IGF2: variants seen among roughly 807,000 people sequenced by gnomAD.
IGF2 encodes the protein insulin-like growth factor 2.
IGF2 carries 2 observed loss-of-function variants against 12.0 expected under a neutral mutation model. The observed-to-expected ratio is 0.17, with a 90% CI of 0.07 to 0.52. The LOEUF is 0.52. Ranked by LOEUF, IGF2 falls within the 20% of genes least tolerant of loss-of-function variation. The pLI, the probability that IGF2 is intolerant of heterozygous loss-of-function variation, is 0.95. For synonymous variants in IGF2, 105 were observed against 110.1 expected, an observed-to-expected ratio of 0.95 and a Z score of 0.29; for missense variants, 211 against 268.0, an observed-to-expected ratio of 0.79 and a Z score of 1.48.
the IGF2 span, chr11:2,149,423 G>A: frequency 1.2e-5 from 15 of 1,225,138 alleles, no homozygotes; most frequent in Non-Finnish European, 1.4e-5. Context: ...TCTCCGCTGA[G>A]CATGGCACCT....
the IGF2 span, chr11:2,149,403 G>T: frequency 6.9e-7 from 1 of 1,450,694 alleles, no homozygotes; most frequent in Non-Finnish European, 9.5e-7. Context: ...CTACAGATGG[G>T]AGAGCCTCAT....
chr11:2,148,544 A>G, the IGF2 span: 96,757 of 153,680 alleles, frequency 0.63, 30,765 homozygotes, highest in East Asian at 0.81. The surrounding 1 kb of genome is among the most constrained non-coding windows in gnomAD (Gnocchi z 4.3). Context: ...CTCTCCCGGC[A>G]TTTCTCCTCA....
At position 2,131,540 on chromosome 11, in the gene IGF2, CTG is replaced by C. The variant is rs200018341; in HGVS notation, c.*1445_*1446del. On this transcript the variant is annotated 3_prime_UTR_variant, in exon 4 of 4. Transcript: ENST00000416167. ...TATGTGCTGCGCATGAGTGTGTGTGCTGTGTGTGCATGTGTGTGCTGTGTGTT... is the reference window on the plus strand; with the variant it reads ...TATGTGCTGCGCATGAGTGTGTGTGCTGTGTGCATGTGTGTGCTGTGTGTT... The C allele has an allele frequency of 1.9e-5, 4 of 215,238 alleles. No homozygotes were observed. Among genetic ancestry groups the C allele is most frequent in the Admixed American group, 6.1e-5 (1 of 16,490 alleles). The allele number at this position is 215,238 out of a possible 1,614,324, so 13.3% of individuals were successfully genotyped here.
At chr11:2,140,367 C>T, upstream of IGF2, 1 of 1,401,492 alleles carries the variant, frequency 7.1e-7, no homozygotes, top group Non-Finnish European at 9.7e-7. Context: ...GCACAAAATC[C>T]CGCACCCCGC....
chr11:2,132,723 T>G lies in IGF2; in HGVS notation c.*264A>C. On this transcript the variant is annotated 3_prime_UTR_variant, in exon 4 of 4. Transcript: ENST00000416167. The stretch of plus-strand genomic sequence containing the variant: ...TATGTGTGGGGATAATTGGGGATAA[T>G]TTGGGGGGAGGGTATGTGAAGGGTG... The G allele has an allele frequency of 3.1e-6, 1 of 319,670 alleles. No individual in the cohort carries two copies. Among genetic ancestry groups the G allele is most frequent in the Non-Finnish European group, 5.6e-6 (1 of 177,116 alleles). The allele number at this position is 319,670 out of a possible 1,614,324, so 19.8% of individuals were successfully genotyped here. A position where few individuals can be genotyped will look rare whatever the true frequency, so the allele number is the denominator to read the frequency against.
chr11:2,132,746 G>A lies in IGF2; in HGVS notation c.*241C>T, dbSNP rs1858697932. ...AATTTGGGGGGAGGGTATGTGAAGG[G>A]TGTTTAAAGCCAATCGATTTTGTAC... On this transcript the variant is annotated 3_prime_UTR_variant, in exon 4 of 4. Transcript: ENST00000416167. 4.5e-6 allele frequency: 2 copies of A among 445,706 alleles called. No homozygotes were observed. Among genetic ancestry groups the A allele is most frequent in the Admixed American group, 3.5e-5 (1 of 28,328 alleles). The allele number at this position is 445,706 out of a possible 1,614,324, so 27.6% of individuals were successfully genotyped here. A position where few individuals can be genotyped will look rare whatever the true frequency, so the allele number is the denominator to read the frequency against.
chr11:2,146,033 G>A (rs1480603445), upstream of IGF2, among the ~76,000 whole-genome samples: 4 of 151,906 alleles, frequency 2.6e-5, no homozygotes, highest in African/African-American at 7.3e-5. Flanking sequence ...AGCAGCGTCC[G>A]CCCCCCAGCC....
upstream of IGF2, among the ~76,000 whole-genome samples, chr11:2,145,185 C>T (rs1249352104): frequency 2.0e-5 from 3 of 152,228 alleles, no homozygotes; most frequent in East Asian, 3.8e-4. Flanking sequence ...GCAGCCTCCC[C>T]GTGTCCCCAG....
At position 2,139,024 on chromosome 11, in the gene IGF2, C is replaced by T. The variant is rs1185085733; in HGVS notation, c.-802G>A. On this transcript the variant is annotated 5_prime_UTR_variant, in exon 1 of 4. Coordinates refer to ENST00000416167, the MANE Select transcript of IGF2 (RefSeq NM_000612.6). The stretch of plus-strand genomic sequence containing the variant: ...GACGCAGCGCGGAAAGGGGAGCGGC[C>T]CGAGGCTGCGCGCCGGGGGGAGGGC... 7 of 944,292 alleles carry T rather than the reference C, an allele frequency of 7.4e-6. No homozygotes were observed. The East Asian group carries it at 7.6e-4, about 102-fold the overall frequency. 58.5% of individuals were successfully genotyped at this position (944,292 alleles called of 1,614,324 possible).
chr11:2,138,853 CG>C lies in IGF2; in HGVS notation c.-632del. On this transcript the variant is annotated 5_prime_UTR_variant, in exon 1 of 4. Transcript: ENST00000416167. ...AGGGAAGGGCGCCACGTCGAGGGGC[CG>C]GGGGAGGCGGTGACTGGGGGGCGGA... 7.1e-6 allele frequency: 6 copies of C among 849,248 alleles called. No homozygotes were observed. Among genetic ancestry groups the C allele is most frequent in the Non-Finnish European group, 7.9e-6 (6 of 758,478 alleles). The allele number at this position is 849,248 out of a possible 1,614,324, so 52.6% of individuals were successfully genotyped here.
At chr11:2,149,367 T>A in the IGF2 span, 10 of 1,598,030 alleles carry the variant, frequency 6.3e-6, no homozygotes, top group South Asian at 1.1e-4. Flanking sequence ...AAGGGCACTT[T>A]TAGAGTGTGC....
chr11:2,139,576 CGGGGG>C (rs565127670), upstream of IGF2, among the ~76,000 whole-genome samples: 2 of 96,542 alleles, frequency 2.1e-5, no homozygotes, highest in East Asian at 6.5e-4. Context: ...CCTGGGGCCC[CGGGGG>C]GGGGGCGGCG....
At position 2,132,483 on chromosome 11, in the gene IGF2, G is replaced by T. The variant is rs912402879; in HGVS notation, c.*504C>A. On this transcript the variant is annotated 3_prime_UTR_variant, in exon 4 of 4. Transcript: ENST00000416167. The stretch of plus-strand genomic sequence containing the variant: ...AAGTCCAAGGGAGAAGAGAAAGAGG[G>T]GGGTGGGGAGTGCCAAATTCCTTTA... 1 of 196,958 alleles carries T rather than the reference G, an allele frequency of 5.1e-6. No individual in the cohort carries two copies. The highest frequency in any genetic ancestry group is 2.3e-5 in the African/African-American group (1 of 43,250). The allele number at this position is 196,958 out of a possible 1,614,324, so 12.2% of individuals were successfully genotyped here.
chr11:2,146,786 C>G, the IGF2 span: 1 of 213,964 alleles, frequency 4.7e-6, no homozygotes, highest in Non-Finnish European at 9.6e-6. Flanking sequence ...CCATGTGCCT[C>G]CAGCTCCAAC....
At chr11:2,145,424 C>A (rs1317972101), upstream of IGF2, among the ~76,000 whole-genome samples, 3 of 152,268 alleles carry the variant, frequency 2.0e-5, no homozygotes, top group Non-Finnish European at 4.4e-5. Context: ...CCCCCACCTT[C>A]TCCTCCACGC....
In IGF2 at chr11:2,132,727, G is replaced by T; in HGVS notation, c.*260C>A. ...TGTGGGGATAATTGGGGATAATTTG[G>T]GGGGAGGGTATGTGAAGGGTGTTTA... On this transcript the variant is annotated 3_prime_UTR_variant, in exon 4 of 4. Coordinates refer to ENST00000416167, the MANE Select transcript of IGF2 (RefSeq NM_000612.6). 1 of 382,310 alleles carries T rather than the reference G, an allele frequency of 2.6e-6. No individual in the cohort carries two copies. The highest frequency in any genetic ancestry group is 4.7e-6 in the Non-Finnish European group (1 of 214,510). The allele number at this position is 382,310 out of a possible 1,614,324, so 23.7% of individuals were successfully genotyped here.
chr11:2,140,487 G>T, upstream of IGF2: 1 of 573,764 alleles, frequency 1.7e-6, no homozygotes. Flanking sequence ...CTTCGCCCGC[G>T]CTCCGCGCGC....
chr11:2,149,239 G>A, the IGF2 span: 3,107 of 1,613,502 alleles, frequency 1.9e-3, 35 homozygotes, highest in African/African-American at 0.033. Context: ...ATGATCCGCC[G>A]GCCTGGCCAA....
intron 1 of IGF2, chr11:2,137,098 G>A (rs1197049028): frequency 1.4e-5 from 5 of 361,812 alleles, no homozygotes; most frequent in Non-Finnish European, 1.9e-5. Flanking sequence ...TGCAGGGCCC[G>A]AGGCCCAGGC....
Sources: gnomAD v4.1 joint callset for allele counts (sites outside exome capture counted in the v4.1 genomes callset) on GRCh38, gnomAD v4.1.1 for gene constraint, Gnocchi (gnomAD v3.1) non-coding constraint, MANE v1.5 for transcripts, NCBI Gene and HGNC (gene_info 2026-07-23, HGNC 2026-07-21) for gene names.